DERA: variants seen among roughly 807,000 people sequenced by gnomAD.
The protein encoded by DERA is deoxyribose-phosphate aldolase.
Under a neutral mutation model 41.1 loss-of-function variants are expected in DERA, and 15 were observed. The observed-to-expected ratio is 0.37, with a 90% CI of 0.24 to 0.56. The LOEUF (loss-of-function observed/expected upper bound fraction) is 0.56, where lower values mean the gene tolerates loss of function less well. Ranked by LOEUF, DERA falls within the 20% of genes least tolerant of loss-of-function variation. The probability of loss-of-function intolerance (pLI) is 0.81; values close to 1 mark genes in which losing one functional copy is unlikely to be tolerated. For missense variants in DERA, 396 were observed against 403.4 expected (o/e 0.98, Z 0.16); for synonymous variants, 139 against 137.4 (o/e 1.01, Z -0.08).
chr12:15,916,686 G>T (rs2136122228), intron 1 of DERA, among the ~76,000 whole-genome samples: 1 of 152,116 alleles, frequency 6.6e-6, no homozygotes. Context: ...CTTGACCTCA[G>T]GTGATCCACC....
rs1446973727 is a variant in DERA, at chr12:15,966,251, G to A, written c.508+3304G>A. Among the ~76,000 whole-genome samples, 1 of 152,160 alleles carries A rather than the reference G, an allele frequency of 6.6e-6. No individual in the cohort carries two copies. The highest frequency in any genetic ancestry group is 1.5e-5 in the Non-Finnish European group (1 of 68,016). On this transcript the variant is annotated intron_variant, in intron 5 of 8. Coordinates refer to ENST00000428559, the MANE Select transcript of DERA (RefSeq NM_015954.4). The surrounding 1 kb of genome is among the most constrained non-coding windows in gnomAD (Gnocchi z 5.1). ...GAGTGAGGCGTCCTCCTCACTTGAG[G>A]TTGGGAGTTTGAGACCAGCCTGGCC...
At position 15,998,134 on chromosome 12, in the gene DERA, T is replaced by C. The variant is rs746753293; in HGVS notation, c.637+15698T>C. Among the ~76,000 whole-genome samples, 15 of 152,196 alleles carry C rather than the reference T, an allele frequency of 9.9e-5. No individual in the cohort carries two copies. Among genetic ancestry groups the C allele is most frequent in the Non-Finnish European group, 1.9e-4 (13 of 68,036 alleles). ...CTGGCAAGCTTCTTTAATGAACTGT[T>C]GCAATGATCTTCCTACCAGAGATTG... On this transcript the variant is annotated intron_variant, in intron 6 of 8. Transcript: ENST00000428559. The surrounding 1 kb of genome is among the most constrained non-coding windows in gnomAD (Gnocchi z 4.8).
intron 1 of DERA, among the ~76,000 whole-genome samples, chr12:15,934,954 C>T (rs1288492238): frequency 6.6e-6 from 1 of 151,970 alleles, no homozygotes; most frequent in African/African-American, 2.4e-5. Context: ...AAAACAATAG[C>T]GAAAAAGATT....
At chr12:15,942,696 G>A (rs1296499707) in intron 1 of DERA, among the ~76,000 whole-genome samples, 1 of 152,168 alleles carries the variant, frequency 6.6e-6, no homozygotes, top group Non-Finnish European at 1.5e-5. Context: ...ATGTCCAGGA[G>A]AGTGGGGAAG....
At chr12:15,926,100 G>A (rs1174755593) in intron 1 of DERA, among the ~76,000 whole-genome samples, 1 of 151,446 alleles carries the variant, frequency 6.6e-6, no homozygotes, top group African/African-American at 2.4e-5. Flanking sequence ...TGGGATTATA[G>A]GCGTGAGCCA....
Position 15,931,255 on chromosome 12 carries a change from A to T in DERA, c.31+19841A>T, listed in dbSNP as rs1376116111. Among the ~76,000 whole-genome samples, 1 of 151,960 alleles carries T rather than the reference A, an allele frequency of 6.6e-6. No individual in the cohort carries two copies. The highest frequency in any genetic ancestry group is 1.9e-4 in the East Asian group (1 of 5,196). The stretch of plus-strand genomic sequence containing the variant: ...AGTTGACCGATAGTATAAATTCAAT[A>T]AGTAACAGAGCATTATTGGACATTC... On this transcript the variant is annotated intron_variant, in intron 1 of 8. Transcript: ENST00000428559. The surrounding 1 kb of genome is among the most constrained non-coding windows in gnomAD (Gnocchi z 4.6).
At position 16,003,965 on chromosome 12, in the gene DERA, G is replaced by T. The variant is rs143314667; in HGVS notation, c.637+21529G>T. Among the ~76,000 whole-genome samples, 1,284 of 152,254 alleles carry T rather than the reference G, an allele frequency of 8.4e-3. 9 individuals carry two copies. The highest frequency in any genetic ancestry group is 0.014 in the Non-Finnish European group (951 of 68,020). On this transcript the variant is annotated intron_variant, in intron 6 of 8. Transcript: ENST00000428559. This position sits in a 1 kb window ranked among gnomAD's most constrained non-coding sequence, Gnocchi z 4.8. ...TTCCTCTGTTTCCTAAAACATCATT[G>T]TGCAGAATGCTTAGAAGGGGTTGGT...
In DERA at chr12:16,021,506, G is replaced by A. The variant is rs901038979; in HGVS notation, c.638-11036G>A. Among the ~76,000 whole-genome samples, 2 of 152,220 alleles carry A rather than the reference G, an allele frequency of 1.3e-5. No homozygotes were observed. The highest frequency in any genetic ancestry group is 4.8e-5 in the African/African-American group (2 of 41,452). The stretch of plus-strand genomic sequence containing the variant: ...AGGCAGTGCTGAAGGGAAATGTAGG[G>A]TGGAGCCCACACAGAGTCTCCACTG... On this transcript the variant is annotated intron_variant, in intron 6 of 8. Coordinates refer to ENST00000428559, the MANE Select transcript of DERA (RefSeq NM_015954.4). This position sits in a 1 kb window ranked among gnomAD's most constrained non-coding sequence, Gnocchi z 5.3.
chr12:15,960,587 A>T lies in DERA; in HGVS notation c.373+663A>T, dbSNP rs1297995485. ...GGGAGGCAGAGGTTGCAGTGAGCTG[A>T]GATCATGCCCCTGCACTCCAGCTTG... On this transcript the variant is annotated intron_variant, in intron 4 of 8. Coordinates refer to ENST00000428559, the MANE Select transcript of DERA (RefSeq NM_015954.4). Among the ~76,000 whole-genome samples the T allele has an allele frequency of 5.9e-5, 8 of 135,952 alleles. No homozygotes were observed. The East Asian group carries it at 2.0e-3, about 33-fold the overall frequency. 89.2% of individuals were successfully genotyped at this position (135,952 alleles called of 152,430 possible).
chr12:15,978,734 A>G (rs1490052559), intron 5 of DERA, among the ~76,000 whole-genome samples: 1 of 152,214 alleles, frequency 6.6e-6, no homozygotes, highest in Non-Finnish European at 1.5e-5. Flanking sequence ...TTCAAGGAAC[A>G]TAGATCATGG....
In DERA at chr12:16,010,903, G is replaced by C. The variant is rs1369585079; in HGVS notation, c.638-21639G>C. On this transcript the variant is annotated intron_variant, in intron 6 of 8. Transcript: ENST00000428559. This position sits in a 1 kb window ranked among gnomAD's most constrained non-coding sequence, Gnocchi z 5.5. ...CTCTACCCACTTATCATCAATTGTT[G>C]AAAAAAAAGATTTATGATGACATTG... Among the ~76,000 whole-genome samples the C allele has an allele frequency of 6.8e-6, 1 of 146,210 alleles. No individual in the cohort carries two copies. Among genetic ancestry groups the C allele is most frequent in the East Asian group, 1.9e-4 (1 of 5,168 alleles).
chr12:15,935,141 G>A lies in DERA; in HGVS notation c.32-21795G>A, dbSNP rs989236544. Among the ~76,000 whole-genome samples, 3 of 152,102 alleles carry A rather than the reference G, an allele frequency of 2.0e-5. No individual in the cohort carries two copies. Among genetic ancestry groups the A allele is most frequent in the Non-Finnish European group, 4.4e-5 (3 of 68,016 alleles). On this transcript the variant is annotated intron_variant, in intron 1 of 8. Coordinates refer to ENST00000428559, the MANE Select transcript of DERA (RefSeq NM_015954.4). The surrounding 1 kb of genome is among the most constrained non-coding windows in gnomAD (Gnocchi z 4.8). ...AATATACTAGTTTTCTAAATAAATTGAGCTGAATTTAAATACATGGACATC... is the reference window on the plus strand; with the variant it reads ...AATATACTAGTTTTCTAAATAAATTAAGCTGAATTTAAATACATGGACATC...
chr12:15,944,804 C>T (rs1225893190), intron 1 of DERA, among the ~76,000 whole-genome samples: 2 of 152,184 alleles, frequency 1.3e-5, no homozygotes, highest in Non-Finnish European at 2.9e-5. Flanking sequence ...AGTCCTTGCT[C>T]ATGCCTATGT....
intron 1 of DERA, among the ~76,000 whole-genome samples, chr12:15,934,129 C>A (rs1162137399): frequency 6.6e-6 from 1 of 152,058 alleles, no homozygotes; most frequent in East Asian, 1.9e-4. Context: ...CAGTAATGGC[C>A]CATATCACAG....
rs899847191 is a variant in DERA, at chr12:15,940,647, G to A, written c.32-16289G>A. ...ATTACAGGCGTGAGCCACCGCATCC[G>A]GCCTGCTTTACTTCTTACACATTCA... On this transcript the variant is annotated intron_variant, in intron 1 of 8. Transcript: ENST00000428559. This position sits in a 1 kb window ranked among gnomAD's most constrained non-coding sequence, Gnocchi z 5.1. 2.6e-5 allele frequency among the ~76,000 whole-genome samples: 4 copies of A among 152,098 alleles called. No homozygotes were observed. Among genetic ancestry groups the A allele is most frequent in the Admixed American group, 6.6e-5 (1 of 15,252 alleles).
intron 1 of DERA, among the ~76,000 whole-genome samples, chr12:15,920,005 TGAGA>T (rs1463254616): frequency 2.0e-5 from 3 of 151,598 alleles, no homozygotes; most frequent in South Asian, 2.1e-4. Context: ...TGTGTGTGTG[TGAGA>T]GAGAAAGAGA....
rs1948783686 is a variant in DERA, at chr12:15,988,893, A to AGG, written c.637+6461_637+6462dup. Among the ~76,000 whole-genome samples the AGG allele has an allele frequency of 1.3e-5, 2 of 152,250 alleles. 1 individual carries two copies. The highest frequency in any genetic ancestry group is 4.1e-4 in the South Asian group (2 of 4,824). On this transcript the variant is annotated intron_variant, in intron 6 of 8. Transcript: ENST00000428559. This position sits in a 1 kb window ranked among gnomAD's most constrained non-coding sequence, Gnocchi z 6.0. ...ATGCTTGTTGTCGCCCAAAGTCCAG[A>AGG]GGGGGCCAAGGCGGTGGGAGGCTGG...
chr12:15,923,462 C>T (rs1309973109), intron 1 of DERA, among the ~76,000 whole-genome samples: 1 of 149,496 alleles, frequency 6.7e-6, no homozygotes, highest in East Asian at 1.9e-4. Flanking sequence ...GCAGTTCAGA[C>T]CTTTTCCTTC....
At chr12:15,939,405 A>G (rs1283900784) in intron 1 of DERA, among the ~76,000 whole-genome samples, 3 of 152,208 alleles carry the variant, frequency 2.0e-5, no homozygotes, top group African/African-American at 7.2e-5. Flanking sequence ...TTATGTAACA[A>G]AAGACAGTCA....
Sources: gnomAD v4.1 joint callset for allele counts (sites outside exome capture counted in the v4.1 genomes callset) on GRCh38, gnomAD v4.1.1 for gene constraint, Gnocchi (gnomAD v3.1) non-coding constraint, MANE v1.5 for transcripts, NCBI Gene and HGNC (gene_info 2026-07-23, HGNC 2026-07-21) for gene names.